FARP2: variants seen among roughly 807,000 people sequenced by gnomAD.
The protein encoded by FARP2 is FERM, ARH/RhoGEF and pleckstrin domain protein 2, also known as FERM, ARHGEF and pleckstrin domain-containing protein 2.
FARP2 carries 111 observed loss-of-function variants against 130.5 expected under a neutral mutation model. That is an observed-to-expected ratio of 0.85 (90% CI 0.73 to 1.00). The LOEUF (loss-of-function observed/expected upper bound fraction) is 1.00. Among genes scored for constraint, FARP2 ranks in the 50% least tolerant of loss-of-function variants. The probability of loss-of-function intolerance (pLI) is 0.00; values close to 1 mark genes in which losing one functional copy is unlikely to be tolerated. For missense variants in FARP2, 1,385 were observed against 1,346.3 expected, an observed-to-expected ratio of 1.03 and a Z score of -0.45; for synonymous variants, 504 against 516.9, an observed-to-expected ratio of 0.98 and a Z score of 0.34.
intron 17 of FARP2, 138 bp from the exon 18 acceptor site, chr2:241,468,002 G>T (rs1229311715): frequency 2.8e-6 from 2 of 713,818 alleles, no homozygotes; most frequent in Non-Finnish European, 2.6e-6. Flanking sequence ...GAAAGCCCCC[G>T]CTGGCGCACG....
At chr2:241,452,950 A>T (rs2063703494) in intron 13 of FARP2, among the ~76,000 whole-genome samples, 1 of 151,492 alleles carries the variant, frequency 6.6e-6, no homozygotes, top group South Asian at 2.1e-4. Context: ...CTCAAAAAAA[A>T]AAAAGAAAAA....
At chr2:241,493,872 T>C (rs747249012) in intron 26 of FARP2, 136 bp from the exon 27 acceptor site, 11 of 568,580 alleles carry the variant, frequency 1.9e-5, no homozygotes, top group African/African-American at 1.2e-4. Flanking sequence ...GCTGGGATTA[T>C]AGGCATGAGC....
chr2:241,399,090 C>T (rs1049380315), intron 2 of FARP2, among the ~76,000 whole-genome samples: 17 of 152,116 alleles, frequency 1.1e-4, no homozygotes, highest in Non-Finnish European at 2.4e-4. Flanking sequence ...CTCAGCTATT[C>T]TGGTGAGGGT....
At chr2:241,397,618 G>A (rs1164720354) in intron 2 of FARP2, among the ~76,000 whole-genome samples, 2 of 151,996 alleles carry the variant, frequency 1.3e-5, no homozygotes, top group African/African-American at 4.8e-5. Context: ...GATTTAGGGA[G>A]GTAGAGGTTG....
At chr2:241,457,418 A>G (rs28743050) in intron 14 of FARP2, among the ~76,000 whole-genome samples, 4,161 of 69,092 alleles carry the variant, frequency 0.06, 218 homozygotes, top group African/African-American at 0.15. Flanking sequence ...GCTCTTGGGC[A>G]GGAGGCCCAG....
chr2:241,417,088 G>C (rs2062692918), intron 7 of FARP2, among the ~76,000 whole-genome samples: 2 of 152,108 alleles, frequency 1.3e-5, no homozygotes, highest in African/African-American at 4.8e-5. Context: ...ATCACCTGAG[G>C]TCAGGAGTTT....
intron 7 of FARP2, among the ~76,000 whole-genome samples, chr2:241,417,437 G>A (rs899763507): frequency 6.6e-6 from 1 of 152,120 alleles, no homozygotes; most frequent in African/African-American, 2.4e-5. Context: ...CCAGGCTGAA[G>A]TGCAGTGGCA....
In FARP2 at chr2:241,483,442, G is replaced by A. The variant is rs201272452; in HGVS notation, c.2263-23G>A. 4 of 1,610,066 alleles carry A rather than the reference G, an allele frequency of 2.5e-6. No individual in the cohort carries two copies. The East Asian group carries it at 8.9e-5, about 36-fold the overall frequency. On this transcript the variant is annotated intron_variant, in intron 19 of 26. Transcript: ENST00000264042. ...CCAGCTGCCCTCAGCCCGCTGAAAG[G>A]GGACTCTGTCTCTGTCTTTCAGGAG...
chr2:241,430,445 A>G (rs940188465), intron 8 of FARP2, among the ~76,000 whole-genome samples: 9 of 152,180 alleles, frequency 5.9e-5, no homozygotes, highest in African/African-American at 2.2e-4. Context: ...AGACAATGCT[A>G]CACACATGTA....
At chr2:241,365,967 T>G (rs1365412440) in intron 1 of FARP2, among the ~76,000 whole-genome samples, 4 of 149,428 alleles carry the variant, frequency 2.7e-5, no homozygotes, top group Non-Finnish European at 5.9e-5. Flanking sequence ...AGTTTTTGGT[T>G]TATGCTCTTT....
rs1179250691 is a variant in FARP2, at chr2:241,482,142, G to A, written c.2263-1323G>A. Among the ~76,000 whole-genome samples, 2 of 152,168 alleles carry A rather than the reference G, an allele frequency of 1.3e-5. No individual in the cohort carries two copies. Among genetic ancestry groups the A allele is most frequent in the Non-Finnish European group, 2.9e-5 (2 of 68,046 alleles). On this transcript the variant is annotated intron_variant, in intron 19 of 26. Coordinates refer to ENST00000264042, the MANE Select transcript of FARP2 (RefSeq NM_014808.4). This position sits in a 1 kb window ranked among gnomAD's most constrained non-coding sequence, Gnocchi z 4.6. ...TATAAAGTTGATGAGGTGCCAAAGG[G>A]TAAAAAGAACTGTGAAGTGTCAGGG...
intron 12 of FARP2, among the ~76,000 whole-genome samples, chr2:241,439,491 G>C (rs1379649964): frequency 6.6e-6 from 1 of 152,006 alleles, no homozygotes; most frequent in Admixed American, 6.6e-5. Flanking sequence ...CACAATGCCT[G>C]GCTGATTTTT....
chr2:241,489,033 T>C (rs1390399074), intron 21 of FARP2: 1 of 152,266 alleles, frequency 6.6e-6, no homozygotes, highest in African/African-American at 2.4e-5. Context: ...AAAAACACCA[T>C]GGAGATTTCA....
chr2:241,389,295 A>G (rs920385143), intron 2 of FARP2, among the ~76,000 whole-genome samples: 6 of 152,196 alleles, frequency 3.9e-5, no homozygotes, highest in Non-Finnish European at 7.3e-5. Flanking sequence ...ACAAACAATC[A>G]AACAAACAAA....
At chr2:241,487,406 GTCTGTAATCCCAGCA>G (rs2064776847) in intron 21 of FARP2, among the ~76,000 whole-genome samples, 1 of 152,112 alleles carries the variant, frequency 6.6e-6, no homozygotes, top group Non-Finnish European at 1.5e-5. Flanking sequence ...GGTGGCTCAC[GTCTGTAATCCCAGCA>G]CTTTGGGAGG....
chr2:241,365,529 T>C (rs951182019), intron 1 of FARP2, among the ~76,000 whole-genome samples: 10 of 152,234 alleles, frequency 6.6e-5, no homozygotes, highest in Non-Finnish European at 8.8e-5. Flanking sequence ...TATATAGCAT[T>C]TGATAACATC....
intron 2 of FARP2, among the ~76,000 whole-genome samples, chr2:241,380,937 G>A (rs2061646959): frequency 6.6e-6 from 1 of 152,066 alleles, no homozygotes; most frequent in South Asian, 2.1e-4. Context: ...TGACCAGTGT[G>A]CCCATCCCCA....
At chr2:241,449,229 G>A (rs1212512231) in intron 13 of FARP2, among the ~76,000 whole-genome samples, 2 of 152,104 alleles carry the variant, frequency 1.3e-5, no homozygotes, top group Non-Finnish European at 2.9e-5. Flanking sequence ...GGAGGCAAGA[G>A]GCGGGAGGAT....
At chr2:241,480,740 T>C (rs1337457665) in intron 19 of FARP2, among the ~76,000 whole-genome samples, 1 of 152,116 alleles carries the variant, frequency 6.6e-6, no homozygotes, top group Non-Finnish European at 1.5e-5. Context: ...GGTATGAAGA[T>C]TTACCCTTCT....
Sources: allele counts gnomAD v4.1 joint callset (sites outside exome capture counted in the v4.1 genomes callset), GRCh38; gene constraint gnomAD v4.1.1; non-coding constraint Gnocchi (gnomAD v3.1); transcripts MANE v1.5; gene names NCBI Gene and HGNC (gene_info 2026-07-23, HGNC 2026-07-21).